The following RPA3 variants were observed in gnomAD, a reference collection of about 807,000 sequenced individuals.
The protein encoded by RPA3 is replication protein A 14 kDa subunit.
A neutral mutation model predicts 13.7 loss-of-function variants in RPA3; 24 were observed. The observed-to-expected ratio is 1.75, with a 90% CI of 1.27 to 2.46. The LOEUF is 2.46. Ranked by LOEUF, RPA3 falls within the 30% of genes most tolerant of loss-of-function variation. RPA3 has a pLI of 0.00. For synonymous variants in RPA3, 59 were observed against 51.2 expected, an observed-to-expected ratio of 1.15 and a Z score of -0.65; for missense variants, 183 against 151.0, an observed-to-expected ratio of 1.21 and a Z score of -1.11.
At chr7:7,637,605 ATTG>A (rs1563070147) in intron 7 of RPA3, among the ~76,000 whole-genome samples, 25 of 152,058 alleles carry the variant, frequency 1.6e-4, no homozygotes, top group Middle Eastern at 3.5e-3. Flanking sequence ...ATGTTATGTA[ATTG>A]TATGTAATAC....
At chr7:7,683,987 A>C (rs1317181316) in intron 4 of RPA3, among the ~76,000 whole-genome samples, 1 of 151,996 alleles carries the variant, frequency 6.6e-6, no homozygotes, top group Non-Finnish European at 1.5e-5. Flanking sequence ...TGGTTCCAAG[A>C]CCCCCGCTCA....
intron 2 of RPA3, among the ~76,000 whole-genome samples, chr7:7,703,942 C>A (rs1780529709): frequency 6.7e-6 from 1 of 149,090 alleles, no homozygotes; most frequent in African/African-American, 2.5e-5. Context: ...TGTCTCTTAA[C>A]AAAGGAAAGA....
At chr7:7,639,551 C>G (rs1784919700) in intron 5 of RPA3, among the ~76,000 whole-genome samples, 1 of 152,156 alleles carries the variant, frequency 6.6e-6, no homozygotes, top group Non-Finnish European at 1.5e-5. Flanking sequence ...GCTAGAATAT[C>G]TGGGTCCTAC....
At chr7:7,714,964 C>T (rs762826299) in intron 2 of RPA3, among the ~76,000 whole-genome samples, 1 of 146,676 alleles carries the variant, frequency 6.8e-6, no homozygotes, top group East Asian at 2.0e-4. Context: ...ACAACAACAA[C>T]AAAAAACTAC....
chr7:7,702,475 A>C (rs1174697591), intron 2 of RPA3, among the ~76,000 whole-genome samples: 3 of 152,214 alleles, frequency 2.0e-5, no homozygotes, highest in Non-Finnish European at 4.4e-5. Flanking sequence ...GCTTTCAAGT[A>C]CACTCCAATA....
chr7:7,705,876 T>G (rs2115162418), intron 2 of RPA3, among the ~76,000 whole-genome samples: 1 of 152,078 alleles, frequency 6.6e-6, no homozygotes, highest in Non-Finnish European at 1.5e-5. Flanking sequence ...TGGGGGAGGG[T>G]GTGCATGTGT....
At chr7:7,674,162 G>T (rs930199657) in intron 4 of RPA3, among the ~76,000 whole-genome samples, 2 of 152,130 alleles carry the variant, frequency 1.3e-5, no homozygotes, top group Non-Finnish European at 2.9e-5. Context: ...CCTTTTCCAT[G>T]CTGGACCTCC....
intron 7 of RPA3, 96 bp from the exon 8 acceptor site, chr7:7,637,178 C>A (rs1784879437): frequency 1.1e-6 from 1 of 916,784 alleles, no homozygotes; most frequent in African/African-American, 1.7e-5. Context: ...TTTTTCTCAC[C>A]CTTTTGGAAG....
intron 4 of RPA3, among the ~76,000 whole-genome samples, chr7:7,677,295 T>G (rs1779765493): frequency 6.6e-6 from 1 of 152,170 alleles, no homozygotes; most frequent in African/African-American, 2.4e-5. Flanking sequence ...TACAATAAAT[T>G]ATTGTTAACT....
chr7:7,695,743 ATATC>A (rs1780298479), intron 2 of RPA3, among the ~76,000 whole-genome samples: 1 of 152,144 alleles, frequency 6.6e-6, no homozygotes, highest in Non-Finnish European at 1.5e-5. Flanking sequence ...AGCATCTTTA[ATATC>A]TATGTATGTT....
chr7:7,717,633 AT>A (rs1205937144), intron 1 of RPA3, among the ~76,000 whole-genome samples: 6 of 152,196 alleles, frequency 3.9e-5, no homozygotes, highest in African/African-American at 1.4e-4. Flanking sequence ...GCCTCTATTT[AT>A]TTAATTCATC....
chr7:7,659,135 G>A (rs774592391), intron 4 of RPA3, among the ~76,000 whole-genome samples: 2 of 152,122 alleles, frequency 1.3e-5, no homozygotes, highest in Non-Finnish European at 2.9e-5. Flanking sequence ...GTATTGCTGT[G>A]GGATCAATGG....
In RPA3 at chr7:7,695,986, T is replaced by G. The variant is rs544291494; in HGVS notation, c.-1027-8658A>C. Among the ~76,000 whole-genome samples the G allele has an allele frequency of 2.6e-5, 4 of 151,362 alleles. No homozygotes were observed. In the South Asian group the frequency reaches 6.3e-4, roughly 24 times the overall value. On this transcript the variant is annotated intron_variant, in intron 2 of 7. Coordinates refer to ENST00000223129, the MANE Select transcript of RPA3 (RefSeq NM_002947.5). ...ACCCTACTGTGTATATCTCCGTTTTTTTTTTTTTTTTCTGATAAACTTACC... is the reference window on the plus strand; with the variant it reads ...ACCCTACTGTGTATATCTCCGTTTTGTTTTTTTTTTTCTGATAAACTTACC...
At chr7:7,701,590 G>A (rs545731439) in intron 2 of RPA3, among the ~76,000 whole-genome samples, 1 of 152,126 alleles carries the variant, frequency 6.6e-6, no homozygotes, top group Non-Finnish European at 1.5e-5. Context: ...CTCTGTGTCT[G>A]TGCTTTTCTG....
At chr7:7,648,888 G>A (rs928662688) in intron 4 of RPA3, among the ~76,000 whole-genome samples, 1 of 150,806 alleles carries the variant, frequency 6.6e-6, no homozygotes, top group African/African-American at 2.4e-5. Flanking sequence ...GCCGGGCGCG[G>A]TCGCTCACAC....
At chr7:7,658,476 A>T (rs1166332146) in intron 4 of RPA3, among the ~76,000 whole-genome samples, 3 of 152,208 alleles carry the variant, frequency 2.0e-5, no homozygotes, top group Non-Finnish European at 4.4e-5. Context: ...TTATTTTGAG[A>T]TACATTCCAT....
chr7:7,662,389 A>G (rs2348555), intron 4 of RPA3, among the ~76,000 whole-genome samples: 143,098 of 152,220 alleles, frequency 0.94, 67,316 homozygotes, highest in African/African-American at 0.98. Flanking sequence ...AGCTAGCTCG[A>G]TGTCTGCCTA....
intron 4 of RPA3, among the ~76,000 whole-genome samples, chr7:7,679,785 G>C (rs758941191): frequency 6.7e-6 from 1 of 148,390 alleles, no homozygotes; most frequent in Non-Finnish European, 1.5e-5. Flanking sequence ...GGCCACTTTC[G>C]AACTCTTAGG....
At chr7:7,680,487 T>C (rs10265028) in intron 4 of RPA3, among the ~76,000 whole-genome samples, 3 of 152,280 alleles carry the variant, frequency 2.0e-5, no homozygotes, top group Admixed American at 2.0e-4. Context: ...CGTCTAATTT[T>C]GTTGTTTTTG....
Sources: gnomAD v4.1 joint callset for allele counts (sites outside exome capture counted in the v4.1 genomes callset) on GRCh38, gnomAD v4.1.1 for gene constraint, MANE v1.5 for transcripts, NCBI Gene and HGNC (gene_info 2026-07-23, HGNC 2026-07-21) for gene names.